The following KIAA1549L variants were observed in gnomAD, a reference collection of about 807,000 sequenced individuals.
The protein encoded by KIAA1549L is KIAA1549 like.
A neutral mutation model predicts 160.7 loss-of-function variants in KIAA1549L; 88 were observed. That is an observed-to-expected ratio of 0.55 (90% CI 0.46 to 0.65). The LOEUF (loss-of-function observed/expected upper bound fraction) is 0.65, where lower values mean the gene tolerates loss of function less well. Ranked by LOEUF, KIAA1549L falls within the 30% of genes least tolerant of loss-of-function variation. The pLI, the probability that KIAA1549L is intolerant of heterozygous loss-of-function variation, is 0.00. For missense variants in KIAA1549L, 2,258 were observed against 2,437.5 expected, an observed-to-expected ratio of 0.93 and a Z score of 1.55; for synonymous variants, 950 against 976.7, an observed-to-expected ratio of 0.97 and a Z score of 0.51.
intron 8 of KIAA1549L, among the ~76,000 whole-genome samples, chr11:33,562,922 C>T (rs961091139): frequency 6.6e-6 from 1 of 151,998 alleles, no homozygotes; most frequent in Admixed American, 6.6e-5. Context: ...CTCAGCCGAT[C>T]TGCCCGCCTT....
intron 1 of KIAA1549L, among the ~76,000 whole-genome samples, chr11:33,440,323 G>T (rs1851474636): frequency 6.6e-6 from 1 of 150,530 alleles, no homozygotes. Flanking sequence ...TAGAGACGGG[G>T]TTTCACCGTT....
chr11:33,513,644 G>A (rs1411184055), intron 1 of KIAA1549L, among the ~76,000 whole-genome samples: 1 of 152,120 alleles, frequency 6.6e-6, no homozygotes, highest in African/African-American at 2.4e-5. Context: ...GCAGCTTGCA[G>A]CCCAGTGTCC....
At chr11:33,557,981 T>C (rs1854704643) in intron 6 of KIAA1549L, among the ~76,000 whole-genome samples, 1 of 152,050 alleles carries the variant, frequency 6.6e-6, no homozygotes, top group South Asian at 2.1e-4. Context: ...GGAAATAAAA[T>C]GAAGAGCTCT....
At chr11:33,498,011 G>A (rs113834495) in intron 1 of KIAA1549L, among the ~76,000 whole-genome samples, 3 of 152,196 alleles carry the variant, frequency 2.0e-5, no homozygotes, top group East Asian at 1.9e-4. Flanking sequence ...AGTAGTGGCC[G>A]GGCATGGTGG....
At chr11:33,577,519 G>T (rs986952523) in intron 10 of KIAA1549L, among the ~76,000 whole-genome samples, 1 of 152,180 alleles carries the variant, frequency 6.6e-6, no homozygotes, top group Non-Finnish European at 1.5e-5. Context: ...GAAGGGGTCC[G>T]CAGGGACAGC....
intron 1 of KIAA1549L, among the ~76,000 whole-genome samples, chr11:33,404,601 TA>T (rs940510336): frequency 1.3e-5 from 2 of 150,852 alleles, no homozygotes; most frequent in Admixed American, 1.3e-4. Context: ...TGGAAAAAAA[TA>T]AAAAGAAAAA....
At chr11:33,589,721 T>C (rs1480558049) in intron 11 of KIAA1549L, among the ~76,000 whole-genome samples, 2 of 141,662 alleles carry the variant, frequency 1.4e-5, no homozygotes, top group East Asian at 4.2e-4. Flanking sequence ...TGAGAACACT[T>C]GGACACAGGA....
At chr11:33,403,345 GCAGACAGACACACA>G (rs1850567209) in intron 1 of KIAA1549L, 1 of 4,376 alleles carries the variant, frequency 2.3e-4, no homozygotes, top group African/African-American at 6.6e-4. Context: ...ATGCAGACAC[GCAGACAGACACACA>G]CAGACACATG....
In KIAA1549L at chr11:33,423,978, G is replaced by A. The variant is rs576896958; in HGVS notation, c.238+47089G>A. Among the ~76,000 whole-genome samples, 75 of 152,106 alleles carry A rather than the reference G, an allele frequency of 4.9e-4. 1 individual carries two copies. The highest frequency in any genetic ancestry group is 1.7e-3 in the African/African-American group (71 of 41,456). On this transcript the variant is annotated intron_variant, in intron 1 of 20. Coordinates refer to ENST00000658780, the MANE Select transcript of KIAA1549L (RefSeq NM_012194.3). ...CAGGAGGTTGAGGCTGCCTTGAGCT[G>A]TGATCATGCCAGTGCATTCCAGCCT...
intron 1 of KIAA1549L, among the ~76,000 whole-genome samples, chr11:33,518,597 A>G (rs918389703): frequency 6.6e-6 from 1 of 152,212 alleles, no homozygotes; most frequent in African/African-American, 2.4e-5. Context: ...TGTAAACCTA[A>G]GAACTATGTC....
At chr11:33,400,346 A>G (rs946726782) in intron 1 of KIAA1549L, among the ~76,000 whole-genome samples, 1 of 152,242 alleles carries the variant, frequency 6.6e-6, no homozygotes, top group East Asian at 1.9e-4. Flanking sequence ...AATAAGTGGT[A>G]CAGAAACTAA....
Position 33,434,227 on chromosome 11 carries a change from A to C in KIAA1549L, c.238+57338A>C, listed in dbSNP as rs1851310474. On this transcript the variant is annotated intron_variant, in intron 1 of 20. Coordinates refer to ENST00000658780, the MANE Select transcript of KIAA1549L (RefSeq NM_012194.3). ...GAATCATGGGGGCAGTTTCTCCCATACTGTTCTCGTGGTAGTGAATAAGTC... is the reference window on the plus strand; with the variant it reads ...GAATCATGGGGGCAGTTTCTCCCATCCTGTTCTCGTGGTAGTGAATAAGTC... 2.0e-5 allele frequency among the ~76,000 whole-genome samples: 3 copies of C among 152,208 alleles called. No individual in the cohort carries two copies. In the South Asian group the frequency reaches 6.2e-4, roughly 32 times the overall value.
chr11:33,536,824 C>T (rs907238478), intron 1 of KIAA1549L, among the ~76,000 whole-genome samples: 3 of 152,354 alleles, frequency 2.0e-5, no homozygotes, highest in Admixed American at 1.3e-4. Context: ...ACAACATTCC[C>T]GTCGTCTTGA....
At chr11:33,517,458 G>T (rs956430477) in intron 1 of KIAA1549L, among the ~76,000 whole-genome samples, 1 of 152,186 alleles carries the variant, frequency 6.6e-6, no homozygotes, top group East Asian at 1.9e-4. Flanking sequence ...TGAGCCTAGA[G>T]TTGGCTTTCT....
At chr11:33,435,779 T>C (rs1350039201) in intron 1 of KIAA1549L, among the ~76,000 whole-genome samples, 5 of 10,894 alleles carry the variant, frequency 4.6e-4, no homozygotes, top group African/African-American at 3.1e-3. Flanking sequence ...TATATATATA[T>C]ATATATATAT....
At chr11:33,394,410 TAA>T (rs572387993) in intron 1 of KIAA1549L, among the ~76,000 whole-genome samples, 2 of 93,064 alleles carry the variant, frequency 2.1e-5, no homozygotes, top group Non-Finnish European at 5.2e-5. Context: ...AATAAATAAA[TAA>T]ATAAATAAAC....
chr11:33,569,090 G>A (rs73490869), intron 9 of KIAA1549L, among the ~76,000 whole-genome samples: 4,231 of 152,120 alleles, frequency 0.028, 177 homozygotes, highest in African/African-American at 0.096. Flanking sequence ...CTGCCAGTTC[G>A]TTGCACCTCT....
intron 1 of KIAA1549L, among the ~76,000 whole-genome samples, chr11:33,459,469 C>T (rs922094925): frequency 6.6e-6 from 1 of 152,222 alleles, no homozygotes; most frequent in South Asian, 2.1e-4. Context: ...CACTTAAGTC[C>T]TGCCTTATGA....
chr11:33,381,507 G>T (rs1182312566), intron 1 of KIAA1549L, among the ~76,000 whole-genome samples: 1 of 152,208 alleles, frequency 6.6e-6, no homozygotes. Flanking sequence ...TGAGCAAAGG[G>T]AGAGTAGTGA....
Sources: allele counts gnomAD v4.1 joint callset (sites outside exome capture counted in the v4.1 genomes callset), GRCh38; gene constraint gnomAD v4.1.1; transcripts MANE v1.5; gene names NCBI Gene and HGNC (gene_info 2026-07-23, HGNC 2026-07-21).